Variants in DLG2 observed in about 807,000 individuals in gnomAD.
The protein encoded by DLG2 is discs large MAGUK scaffold protein 2.
A neutral mutation model predicts 132.5 loss-of-function variants in DLG2; 45 were observed. The ratio of observed to expected loss-of-function variants is 0.34; its 90% CI spans 0.27 to 0.44. The LOEUF (loss-of-function observed/expected upper bound fraction) is 0.44. Ranked by LOEUF, DLG2 falls within the 20% of genes least tolerant of loss-of-function variation. The pLI is 1.00. For missense variants in DLG2, 1,045 were observed against 1,196.9 expected (o/e 0.87, Z 1.87); for synonymous variants, 424 against 419.6 (o/e 1.01, Z -0.13).
At chr11:84,336,720 G>T (rs919191262) in intron 7 of DLG2, among the ~76,000 whole-genome samples, 18 of 152,282 alleles carry the variant, frequency 1.2e-4, no homozygotes, top group African/African-American at 3.9e-4. Context: ...TAGGAAAACA[G>T]CCAGTCTTCC....
At chr11:84,913,607 A>C (rs1372476036) in intron 6 of DLG2, among the ~76,000 whole-genome samples, 1 of 152,182 alleles carries the variant, frequency 6.6e-6, no homozygotes, top group East Asian at 1.9e-4. Context: ...TATGAGCAAG[A>C]ACACATGACA....
At chr11:84,839,628 A>T (rs1485045971) in intron 6 of DLG2, among the ~76,000 whole-genome samples, 1 of 152,200 alleles carries the variant, frequency 6.6e-6, no homozygotes, top group Non-Finnish European at 1.5e-5. Flanking sequence ...ATAGCATGGT[A>T]CTAGTACCAA....
intron 8 of DLG2, among the ~76,000 whole-genome samples, chr11:84,248,726 G>C (rs1270835579): frequency 6.6e-6 from 1 of 152,082 alleles, no homozygotes; most frequent in Non-Finnish European, 1.5e-5. Flanking sequence ...AATTAGCCAG[G>C]CATGGTGGTG....
At chr11:84,798,058 C>A (rs2074891055) in intron 6 of DLG2, among the ~76,000 whole-genome samples, 1 of 152,112 alleles carries the variant, frequency 6.6e-6, no homozygotes, top group African/African-American at 2.4e-5. Flanking sequence ...CCACCTGGAG[C>A]TGGGGGTAGG....
intron 18 of DLG2, among the ~76,000 whole-genome samples, chr11:83,745,556 C>A (rs571363488): frequency 1.3e-5 from 2 of 152,112 alleles, no homozygotes; most frequent in African/African-American, 2.4e-5. Context: ...GTAATCCCAG[C>A]GCTTTGAGAG....
At chr11:84,863,184 A>G (rs2084020917) in intron 6 of DLG2, among the ~76,000 whole-genome samples, 1 of 152,044 alleles carries the variant, frequency 6.6e-6, no homozygotes, top group South Asian at 2.1e-4. Flanking sequence ...CGGCTGCAAA[A>G]GTTCACAATT....
intron 14 of DLG2, among the ~76,000 whole-genome samples, chr11:83,955,437 C>G (rs2086595740): frequency 6.6e-6 from 1 of 152,144 alleles, no homozygotes; most frequent in African/African-American, 2.4e-5. Context: ...CAGCCAAACG[C>G]CTAGGCAGAT....
chr11:84,323,996 C>T (rs2098418593), intron 7 of DLG2, among the ~76,000 whole-genome samples: 1 of 151,698 alleles, frequency 6.6e-6, no homozygotes, highest in Admixed American at 6.6e-5. Context: ...ATATTTTATC[C>T]CATTGTGTAG....
At chr11:83,992,006 A>G (rs984142529) in intron 11 of DLG2, among the ~76,000 whole-genome samples, 1 of 152,150 alleles carries the variant, frequency 6.6e-6, no homozygotes, top group Non-Finnish European at 1.5e-5. Context: ...TTATGTGGTA[A>G]GTGACACAGC....
chr11:84,370,552 G>A (rs533308857), intron 7 of DLG2, among the ~76,000 whole-genome samples: 1 of 152,226 alleles, frequency 6.6e-6, no homozygotes, highest in Non-Finnish European at 1.5e-5. Flanking sequence ...TGAAAGTGAG[G>A]TGCCTACCAC....
intron 3 of DLG2, among the ~76,000 whole-genome samples, chr11:85,313,765 G>A (rs999075088): frequency 6.6e-6 from 1 of 151,796 alleles, no homozygotes; most frequent in African/African-American, 2.4e-5. Flanking sequence ...AAAAGTTTAT[G>A]TATCTCTCTT....
chr11:85,440,768 A>G (rs1296445446), intron 3 of DLG2, among the ~76,000 whole-genome samples: 2 of 152,202 alleles, frequency 1.3e-5, no homozygotes, highest in African/African-American at 2.4e-5. Flanking sequence ...GCTCTTTATA[A>G]GTGGGTATAA....
intron 6 of DLG2, among the ~76,000 whole-genome samples, chr11:84,873,951 T>C (rs2085906056): frequency 6.6e-6 from 1 of 152,174 alleles, no homozygotes; most frequent in East Asian, 1.9e-4. Context: ...CTGAACGACA[T>C]CACCCTTCAC....
intron 6 of DLG2, among the ~76,000 whole-genome samples, chr11:85,039,397 G>A (rs1424422880): frequency 6.6e-6 from 1 of 151,884 alleles, no homozygotes; most frequent in African/African-American, 2.4e-5. Context: ...ATATCCAAAT[G>A]TGAGGCAATA....
chr11:84,254,829 A>T (rs2097440153), intron 7 of DLG2, among the ~76,000 whole-genome samples: 1 of 152,202 alleles, frequency 6.6e-6, no homozygotes, highest in Admixed American at 6.5e-5. Flanking sequence ...TTGGTGCCAA[A>T]GGGATCCAGA....
intron 6 of DLG2, among the ~76,000 whole-genome samples, chr11:84,864,884 G>C (rs1171332119): frequency 6.6e-6 from 1 of 152,156 alleles, no homozygotes; most frequent in Non-Finnish European, 1.5e-5. Context: ...TTTTTAGGTA[G>C]AAGAGATGGC....
At chr11:85,162,112 A>T (rs893961322) in intron 4 of DLG2, among the ~76,000 whole-genome samples, 11 of 152,110 alleles carry the variant, frequency 7.2e-5, no homozygotes, top group Non-Finnish European at 5.9e-5. Context: ...TCCCACTTTT[A>T]AGTCAACAGG....
chr11:85,308,440 G>A (rs1039374522), intron 3 of DLG2, among the ~76,000 whole-genome samples: 2 of 152,274 alleles, frequency 1.3e-5, no homozygotes, highest in South Asian at 4.1e-4. Context: ...GCTAATGTGA[G>A]GCTCTGGCAG....
intron 3 of DLG2, among the ~76,000 whole-genome samples, chr11:85,570,965 A>G (rs2077810893): frequency 6.6e-6 from 1 of 152,054 alleles, no homozygotes; most frequent in East Asian, 1.9e-4. Context: ...AATTTTTAAT[A>G]TTCTTATTAA....
Sources: gnomAD v4.1 joint callset for allele counts (sites outside exome capture counted in the v4.1 genomes callset) on GRCh38, gnomAD v4.1.1 for gene constraint, MANE v1.5 for transcripts, NCBI Gene and HGNC (gene_info 2026-07-23, HGNC 2026-07-21) for gene names.